The following FAM107B variants were observed in gnomAD, a reference collection of about 807,000 sequenced individuals.
FAM107B encodes protein FAM107B.
Under a neutral mutation model 31.5 loss-of-function variants are expected in FAM107B, and 21 were observed. That is an observed-to-expected ratio of 0.67 (90% confidence interval 0.47 to 0.96). FAM107B has a LOEUF of 0.96. Ranked by LOEUF, FAM107B falls within the 40% of genes least tolerant of loss-of-function variation. The pLI is 0.00. For missense variants in FAM107B, 452 were observed against 377.1 expected (o/e 1.20, Z -1.64); for synonymous variants, 157 against 141.5 (o/e 1.11, Z -0.78).
chr10:14,522,815 G>A (rs976029874), intron 3 of FAM107B, among the ~76,000 whole-genome samples: 1 of 152,122 alleles, frequency 6.6e-6, no homozygotes, highest in Non-Finnish European at 1.5e-5. Flanking sequence ...GACTGAAAGG[G>A]GGTTCCTGTA....
chr10:14,621,944 A>T (rs941801725), intron 2 of FAM107B, among the ~76,000 whole-genome samples: 2 of 152,250 alleles, frequency 1.3e-5, no homozygotes, highest in Non-Finnish European at 2.9e-5. Context: ...AAATATGTTC[A>T]AGTTGCTCTG....
intron 2 of FAM107B, among the ~76,000 whole-genome samples, chr10:14,597,612 C>A (rs765380997): frequency 3.9e-5 from 6 of 152,142 alleles, no homozygotes; most frequent in Non-Finnish European, 7.4e-5. Context: ...TCCAAGTGTC[C>A]CTGTGTCCGC....
At chr10:14,703,866 T>G (rs1263369232) in intron 1 of FAM107B, among the ~76,000 whole-genome samples, 2 of 152,222 alleles carry the variant, frequency 1.3e-5, no homozygotes, top group African/African-American at 2.4e-5. Flanking sequence ...AAACTGCAAT[T>G]TCTGTTTCTC....
At chr10:14,745,851 C>T (rs550518704) in intron 1 of FAM107B, among the ~76,000 whole-genome samples, 13 of 152,070 alleles carry the variant, frequency 8.5e-5, no homozygotes, top group Non-Finnish European at 1.6e-4. Context: ...TTCTGAATAA[C>T]CTTGTTAATT....
At chr10:14,731,165 A>G (rs1588738596) in intron 1 of FAM107B, among the ~76,000 whole-genome samples, 1 of 152,164 alleles carries the variant, frequency 6.6e-6, no homozygotes, top group Non-Finnish European at 1.5e-5. Context: ...TTTATTGAGT[A>G]CCTAGGTGTC....
chr10:14,704,582 T>G (rs939484638), intron 1 of FAM107B, among the ~76,000 whole-genome samples: 1 of 152,158 alleles, frequency 6.6e-6, no homozygotes, highest in African/African-American at 2.4e-5. Flanking sequence ...ACTGCATATT[T>G]AACTGAATCT....
At chr10:14,594,709 T>C (rs1463111176) in intron 2 of FAM107B, among the ~76,000 whole-genome samples, 2 of 152,128 alleles carry the variant, frequency 1.3e-5, no homozygotes, top group South Asian at 2.1e-4. Flanking sequence ...ACCTCCCTTG[T>C]TGAAAAACAC....
chr10:14,752,118 T>C (rs1302877179), intron 1 of FAM107B, among the ~76,000 whole-genome samples: 1 of 152,174 alleles, frequency 6.6e-6, no homozygotes, highest in African/African-American at 2.4e-5. Flanking sequence ...CAATATCCCA[T>C]CTGCTGAGGC....
At chr10:14,548,250 G>C (rs1848897721) in intron 2 of FAM107B, among the ~76,000 whole-genome samples, 2 of 152,116 alleles carry the variant, frequency 1.3e-5, no homozygotes, top group Non-Finnish European at 2.9e-5. Context: ...GAGGAGAAGA[G>C]AGCAGACGCG....
intron 2 of FAM107B, among the ~76,000 whole-genome samples, chr10:14,576,327 G>C (rs1028995042): frequency 6.6e-6 from 1 of 152,188 alleles, no homozygotes; most frequent in African/African-American, 2.4e-5. Context: ...AGGAGTTCGA[G>C]ACCAGCCTGG....
At chr10:14,732,669 T>C (rs951588163) in intron 1 of FAM107B, among the ~76,000 whole-genome samples, 20 of 151,736 alleles carry the variant, frequency 1.3e-4, no homozygotes, top group Admixed American at 4.6e-4. Context: ...GATGGGAACA[T>C]AGACTGTCTG....
intron 2 of FAM107B, among the ~76,000 whole-genome samples, chr10:14,622,290 T>C (rs1287653615): frequency 6.7e-6 from 1 of 149,882 alleles, no homozygotes; most frequent in African/African-American, 2.4e-5. Flanking sequence ...GACAAGCACC[T>C]GGGAGCTAGT....
At chr10:14,609,143 G>A (rs556051895) in intron 2 of FAM107B, among the ~76,000 whole-genome samples, 2 of 152,290 alleles carry the variant, frequency 1.3e-5, no homozygotes, top group African/African-American at 4.8e-5. Context: ...CAAACGCTTT[G>A]GGACTATAAT....
chr10:14,609,409 T>C (rs1327012560), intron 2 of FAM107B, among the ~76,000 whole-genome samples: 2 of 152,138 alleles, frequency 1.3e-5, no homozygotes, highest in Non-Finnish European at 2.9e-5. Flanking sequence ...AATTCAGTTC[T>C]TTGTGGTTAT....
In FAM107B at chr10:14,686,090, T is replaced by C. The variant is rs574509471; in HGVS notation, c.412-18399A>G. On this transcript the variant is annotated intron_variant, in intron 1 of 4. Coordinates refer to ENST00000181796, the MANE Select transcript of FAM107B (RefSeq NM_031453.4). ...CCTTGACACGTGGGGATTATTACAA[T>C]TCAAGGTGAGATTTGGGGCCGGGTT... Among the ~76,000 whole-genome samples, 8 of 152,248 alleles carry C rather than the reference T, an allele frequency of 5.3e-5. No homozygotes were observed. In the South Asian group the frequency reaches 8.3e-4, roughly 16 times the overall value.
chr10:14,762,802 A>AC (rs1491145461), intron 1 of FAM107B, among the ~76,000 whole-genome samples: 15 of 147,640 alleles, frequency 1.0e-4, no homozygotes, highest in Middle Eastern at 6.9e-3. Flanking sequence ...ACACACACAC[A>AC]AAAAGAACAT....
chr10:14,739,490 T>G (rs1484222491), intron 1 of FAM107B, among the ~76,000 whole-genome samples: 1 of 152,170 alleles, frequency 6.6e-6, no homozygotes. Flanking sequence ...TAACAGCACG[T>G]TGGGGAAACT....
intron 1 of FAM107B, among the ~76,000 whole-genome samples, chr10:14,744,255 C>A (rs1273489023): frequency 1.3e-5 from 2 of 152,088 alleles, no homozygotes; most frequent in African/African-American, 2.4e-5. Context: ...TGGGTGGAGA[C>A]AATGGGGTTT....
chr10:14,649,683 T>C (rs117199479), intron 2 of FAM107B, among the ~76,000 whole-genome samples: 2,929 of 152,270 alleles, frequency 0.019, 37 homozygotes, highest in Non-Finnish European at 0.032. Flanking sequence ...CCAATGTACA[T>C]CTTACCTGTA....
Sources: gnomAD v4.1 joint callset for allele counts (sites outside exome capture counted in the v4.1 genomes callset) on GRCh38, gnomAD v4.1.1 for gene constraint, MANE v1.5 for transcripts, NCBI Gene and HGNC (gene_info 2026-07-23, HGNC 2026-07-21) for gene names.